Variants in LAYN observed in about 807,000 individuals in gnomAD.
The protein encoded by LAYN is layilin.
LAYN carries 38 observed loss-of-function variants against 43.6 expected under a neutral mutation model. That is an observed-to-expected ratio of 0.87 (90% CI 0.67 to 1.14). LAYN has a LOEUF of 1.14. Among genes scored for constraint, LAYN ranks in the 50% most tolerant of loss-of-function variants. LAYN has a pLI of 0.00. For missense variants in LAYN, 479 were observed against 463.8 expected, an observed-to-expected ratio of 1.03 and a Z score of -0.30; for synonymous variants, 168 against 172.9, an observed-to-expected ratio of 0.97 and a Z score of 0.22.
chr11:111,549,687 A>T lies in LAYN; in HGVS notation c.453A>T (p.Ala151=). ...VCVVMYHQPS[A]PAGIGGPYMF... is the part of the protein sequence containing the mutation. ...TGGTCATGTACCATCAGCCATCGGCACCCGCTGGCATCGGAGGCCCCTACA... is the reference window on the plus strand; with the variant it reads ...TGGTCATGTACCATCAGCCATCGGCTCCCGCTGGCATCGGAGGCCCCTACA... The change falls in exon 3 of 7, where the codon GCA becomes GCT. Residue 151 remains alanine, a synonymous_variant. Transcript: ENST00000375614. The T allele has an allele frequency of 6.2e-7, 1 of 1,603,776 alleles. No homozygotes were observed. The highest frequency in any genetic ancestry group is 1.1e-5 in the South Asian group (1 of 88,728).
At chr11:111,550,169 A>G (rs1042148395) in intron 3 of LAYN, among the ~76,000 whole-genome samples, 3 of 152,216 alleles carry the variant, frequency 2.0e-5, no homozygotes, top group Non-Finnish European at 4.4e-5. Context: ...CTAACAGCCC[A>G]GTGAGATTAT....
At position 111,560,322 on chromosome 11, in the gene LAYN, C is replaced by T. The variant is rs201157133; in HGVS notation, c.989C>T (p.Pro330Leu). Residue 330 changes from proline (P) to leucine (L), a missense_variant, in exon 7 of 7, where the codon CCA becomes CTA. Physicochemically the swap from Pro to Leu is moderately conservative, Grantham distance 98. Transcript: ENST00000375614. ...SCDYDNMAVN[P>L]SESGFVTLVS... ...GACTATGACAACATGGCTGTGAACC[C>T]ATCAGAAAGTGGGTTTGTGACTCTG... 2 of 1,614,160 alleles carry T rather than the reference C, an allele frequency of 1.2e-6. No homozygotes were observed. Among genetic ancestry groups the T allele is most frequent in the Admixed American group, 1.7e-5 (1 of 60,022 alleles).
chr11:111,540,614 G>A, upstream of LAYN: 1 of 502,956 alleles, frequency 2.0e-6, no homozygotes, highest in South Asian at 2.8e-5. Context: ...CCTCGCTGGA[G>A]GAGGCTGTCG....
chr11:111,549,617 G>T lies in LAYN; in HGVS notation c.384-1G>T, dbSNP rs755701192. 3.2e-6 allele frequency: 5 copies of T among 1,541,048 alleles called. No homozygotes were observed. Among genetic ancestry groups the T allele is most frequent in the Non-Finnish European group, 4.3e-6 (5 of 1,151,602 alleles). On this transcript the variant is annotated splice_acceptor_variant, in intron 2 of 6. Coordinates refer to ENST00000375614, the MANE Select transcript of LAYN (RefSeq NM_178834.5). LOFTEE classifies it high-confidence loss of function. Reference sequence around the variant, plus strand: ...CTCTACTGCTGATCCCTTCCCTACAGGAACTGGTATGTGGATGAGCCATCC... The same window carrying T: ...CTCTACTGCTGATCCCTTCCCTACATGAACTGGTATGTGGATGAGCCATCC...
rs1369794350 is a variant in LAYN at position 111,545,069 on chromosome 11, TA to T, written c.383+850del. Among the ~76,000 whole-genome samples, 243 of 150,282 alleles carry T rather than the reference TA, an allele frequency of 1.6e-3. 2 individuals carry two copies. The highest frequency in any genetic ancestry group is 5.7e-3 in the African/African-American group (234 of 40,976). On this transcript the variant is annotated intron_variant, in intron 2 of 6. Transcript: ENST00000375614. ...AAAATTTAACAAATATATATATATATATATATTTTTTACCTATTACATTTAA... is the reference window on the plus strand; with the variant it reads ...AAAATTTAACAAATATATATATATATTATATTTTTTACCTATTACATTTAA...
chr11:111,552,961 T>A (rs1867768630), intron 3 of LAYN, among the ~76,000 whole-genome samples: 1 of 152,336 alleles, frequency 6.6e-6, no homozygotes, highest in African/African-American at 2.4e-5. Flanking sequence ...ACTTATCAGC[T>A]GTGAGATTTG....
intron 6 of LAYN, among the ~76,000 whole-genome samples, chr11:111,558,616 A>G (rs1867885091): frequency 6.6e-6 from 1 of 151,376 alleles, no homozygotes; most frequent in African/African-American, 2.4e-5. Context: ...TCCTTTCCTG[A>G]CTCTCTGTTT....
chr11:111,545,113 T>G (rs1591564661), intron 2 of LAYN, among the ~76,000 whole-genome samples: 1 of 151,880 alleles, frequency 6.6e-6, no homozygotes, highest in Admixed American at 6.6e-5. Flanking sequence ...CATCAGCATC[T>G]ATCTTAGTCC....
rs766058286 is a variant in LAYN at position 111,560,254 on chromosome 11, C to A, written c.921C>A (p.Phe307Leu). 1 of 1,614,170 alleles carries A rather than the reference C, an allele frequency of 6.2e-7. No homozygotes were observed. Among genetic ancestry groups the A allele is most frequent in the Non-Finnish European group, 8.5e-7 (1 of 1,180,032 alleles). The change falls in exon 7 of 7, where the codon TTC becomes TTA. Residue 307 changes from phenylalanine to leucine, a missense_variant. Phe to Leu is a conservative substitution (Grantham distance 22). Coordinates refer to ENST00000375614, the MANE Select transcript of LAYN (RefSeq NM_178834.5). ...GGCCAGACCTGAAGAATATTTCATT[C>A]CGAGTGTGTTCGGGAGAAGCCACTC... ...ETRPDLKNISFRVCSGEATPD... is the reference protein window; with the variant it reads ...ETRPDLKNISLRVCSGEATPD...
At position 111,553,099 on chromosome 11, in the gene LAYN, C is replaced by T. The variant is rs1464824722; in HGVS notation, c.542-1462C>T. Among the ~76,000 whole-genome samples the T allele has an allele frequency of 4.6e-5, 7 of 151,860 alleles. 1 individual carries two copies. Among genetic ancestry groups the T allele is most frequent in the Non-Finnish European group, 1.0e-4 (7 of 67,974 alleles). ...CTACTAAAAAATACAAAAAATTAAC[C>T]GGGCATGGTGGTGGGCACCTGTAAT... is the stretch of plus-strand genomic sequence containing the variant. On this transcript the variant is annotated intron_variant, in intron 3 of 6. Transcript: ENST00000375614.
rs531456303 is a variant in LAYN, at chr11:111,547,907, G to T, written c.384-1711G>T. Among the ~76,000 whole-genome samples the T allele has an allele frequency of 3.9e-5, 6 of 152,320 alleles. No individual in the cohort carries two copies. In the South Asian group the frequency reaches 1.2e-3, roughly 32 times the overall value. ...CCACTTGACATTCTCCACCGTGATAGCTCTTGCCCCACAGGTAAGTAGACC... is the reference window on the plus strand; with the variant it reads ...CCACTTGACATTCTCCACCGTGATATCTCTTGCCCCACAGGTAAGTAGACC... On this transcript the variant is annotated intron_variant, in intron 2 of 6. Coordinates refer to ENST00000375614, the MANE Select transcript of LAYN (RefSeq NM_178834.5).
At position 111,540,901 on chromosome 11, in the gene LAYN, C is replaced by T; in HGVS notation, c.58C>T (p.Arg20Trp). ...GCTGGCCGTGCTGCTGGTGGGGCTG[C>T]GGGCCGCGACGGGTCGCCTGCTGAG... ...VLLAVLLVGL[R>W]AATGRLLSGQ... The change falls in exon 1 of 7, where the codon CGG becomes TGG. Residue 20 changes from arginine to tryptophan, a missense_variant. By Grantham distance (101) the Arg-to-Trp change is moderately radical. Transcript: ENST00000375614. 6.5e-7 allele frequency: 1 copy of T among 1,532,098 alleles called. No homozygotes were observed. The highest frequency in any genetic ancestry group is 8.7e-7 in the Non-Finnish European group (1 of 1,145,652). 94.9% of individuals were successfully genotyped at this position (1,532,098 alleles called of 1,614,324 possible). A position where few individuals can be genotyped will look rare whatever the true frequency, so the allele number is the denominator to read the frequency against.
At chr11:111,550,532 T>C (rs192877831) in intron 3 of LAYN, among the ~76,000 whole-genome samples, 1 of 152,348 alleles carries the variant, frequency 6.6e-6, no homozygotes, top group Non-Finnish European at 1.5e-5. Flanking sequence ...AGTGACTTGT[T>C]AGTTATATCT....
rs113896452 is a variant in LAYN at position 111,554,647 on chromosome 11, T to C, written c.574+54T>C. ...ACTGGGGCTGTTTCATAGCCCCTCTTCACAGGTTTAAAGCCCTATGTCCTT... is the reference window on the plus strand; with the variant it reads ...ACTGGGGCTGTTTCATAGCCCCTCTCCACAGGTTTAAAGCCCTATGTCCTT... On this transcript the variant is annotated intron_variant, in intron 4 of 6. Transcript: ENST00000375614. 1.9e-4 allele frequency: 273 copies of C among 1,471,462 alleles called. 1 individual carries two copies. The African/African-American group carries it at 3.5e-3, about 19-fold the overall frequency. The allele number at this position is 1,471,462 out of a possible 1,614,324, so 91.2% of individuals were successfully genotyped here.
At chr11:111,549,573 G>C in intron 2 of LAYN, 45 bp from the exon 3 acceptor site, 1 of 1,463,308 alleles carries the variant, frequency 6.8e-7, no homozygotes, top group South Asian at 1.5e-5. Context: ...GAAGTCTCAG[G>C]GGATCCTTCT....
intron 1 of LAYN, chr11:111,541,614 C>G: frequency 6.5e-7 from 1 of 1,533,912 alleles, no homozygotes; most frequent in Non-Finnish European, 8.7e-7. Context: ...TGGCTTCTTT[C>G]AGTTGTTCTG....
intron 2 of LAYN, among the ~76,000 whole-genome samples, chr11:111,546,631 T>C (rs887093999): frequency 6.6e-6 from 1 of 152,256 alleles, no homozygotes; most frequent in Non-Finnish European, 1.5e-5. Flanking sequence ...GCAGATGTCA[T>C]GGAAGTCTGC....
At position 111,560,414 on chromosome 11, in the gene LAYN, A is replaced by G. The variant is rs1292877785; in HGVS notation, c.1081A>G (p.Ser361Gly). 6.2e-7 allele frequency: 1 copy of G among 1,614,114 alleles called. No individual in the cohort carries two copies. The highest frequency in any genetic ancestry group is 1.7e-5 in the Admixed American group (1 of 60,022). Reference sequence around the variant, plus strand: ...GTTCTCCCCAGACCAAATGGGGAGGAGTAAGGAGTCTGGATGGGTGGAAAA... The same window carrying G: ...GTTCTCCCCAGACCAAATGGGGAGGGGTAAGGAGTCTGGATGGGTGGAAAA... ...YEFSPDQMGR[S>G]KESGWVENEI... Residue 361 changes from serine to glycine, a missense_variant, in exon 7 of 7, where the codon AGT (serine) becomes GGT (glycine). Physicochemically the swap from Ser to Gly is moderately conservative, Grantham distance 56 (BLOSUM62 0). Transcript: ENST00000375614.
Position 111,560,332 on chromosome 11 carries a change from T to A in LAYN, c.999T>A (p.Ser333Arg). 6.2e-7 allele frequency: 1 copy of A among 1,614,010 alleles called. No homozygotes were observed. ...YDNMAVNPSE[S>R]GFVTLVSVES... Reference sequence around the variant, plus strand: ...ACATGGCTGTGAACCCATCAGAAAGTGGGTTTGTGACTCTGGTGAGCGTGG... The same window carrying A: ...ACATGGCTGTGAACCCATCAGAAAGAGGGTTTGTGACTCTGGTGAGCGTGG... The change falls in exon 7 of 7, where the codon AGT becomes AGA. Residue 333 changes from serine (S) to arginine (R), a missense_variant. Physicochemically the swap from Ser to Arg is moderately radical, Grantham distance 110. Transcript: ENST00000375614.
Sources: gnomAD v4.1 joint callset for allele counts (sites outside exome capture counted in the v4.1 genomes callset) on GRCh38, gnomAD v4.1.1 for gene constraint, MANE v1.5 for transcripts, NCBI Gene and HGNC (gene_info 2026-07-23, HGNC 2026-07-21) for gene names.